The following AMPH variants were observed in gnomAD, a reference collection of about 807,000 sequenced individuals.
The protein encoded by AMPH is amphiphysin (Stiff-Mann syndrome with breast cancer 128kD autoantigen).
A neutral mutation model predicts 99.1 loss-of-function variants in AMPH; 49 were observed. The observed-to-expected ratio is 0.49, with a 90% CI of 0.39 to 0.63. The LOEUF is 0.63. AMPH is among the 20% of genes least tolerant of loss of function. The pLI, the probability that AMPH is intolerant of heterozygous loss-of-function variation, is 0.00. For missense variants in AMPH, 759 were observed against 863.4 expected, an observed-to-expected ratio of 0.88 and a Z score of 1.52; for synonymous variants, 314 against 317.3, an observed-to-expected ratio of 0.99 and a Z score of 0.11.
At chr7:38,592,921 C>A (rs1792913281) in intron 1 of AMPH, among the ~76,000 whole-genome samples, 1 of 152,166 alleles carries the variant, frequency 6.6e-6, no homozygotes, top group South Asian at 2.1e-4. Context: ...ATTCTAGCCC[C>A]AACTGCTGTT....
intron 9 of AMPH, among the ~76,000 whole-genome samples, chr7:38,464,329 T>A (rs1479546995): frequency 2.0e-5 from 3 of 152,178 alleles, no homozygotes; most frequent in Non-Finnish European, 4.4e-5. Context: ...AGCCCCATAC[T>A]GAAATAACCA....
intron 17 of AMPH, among the ~76,000 whole-genome samples, chr7:38,398,045 T>A (rs1381364990): frequency 6.6e-6 from 1 of 150,494 alleles, no homozygotes; most frequent in African/African-American, 2.4e-5. Context: ...AGAAACCTCA[T>A]ATACTGTTGG....
Position 38,432,225 on chromosome 7 carries a change from A to G in AMPH, c.1135-13T>C. On this transcript the variant is annotated splice_polypyrimidine_tract_variant and intron_variant, in intron 12 of 20. Transcript: ENST00000356264. ...CCCAGGGCAATGTCTGAAAGCAAAT[A>G]AACAAAAATACTGTTAGTTATACAA... The G allele has an allele frequency of 1.2e-6, 2 of 1,610,312 alleles. No homozygotes were observed. Among genetic ancestry groups the G allele is most frequent in the Non-Finnish European group, 1.7e-6 (2 of 1,176,620 alleles).
intron 2 of AMPH, among the ~76,000 whole-genome samples, chr7:38,508,943 A>G (rs1789435149): frequency 6.6e-6 from 1 of 152,222 alleles, no homozygotes; most frequent in East Asian, 1.9e-4. Flanking sequence ...ATTTGAATCC[A>G]CTTATGATCA....
intron 10 of AMPH, among the ~76,000 whole-genome samples, chr7:38,462,710 AAG>A (rs930409555): frequency 6.6e-6 from 1 of 152,126 alleles, no homozygotes; most frequent in African/African-American, 2.4e-5. Context: ...GAGATAGGAG[AAG>A]AGAGAGCATG....
At chr7:38,489,782 G>A (rs1405340964) in intron 5 of AMPH, among the ~76,000 whole-genome samples, 1 of 152,062 alleles carries the variant, frequency 6.6e-6, no homozygotes, top group African/African-American at 2.4e-5. Context: ...ATAGAATGAT[G>A]GTTGCCAAGG....
At chr7:38,480,437 G>C (rs887568000) in intron 5 of AMPH, among the ~76,000 whole-genome samples, 2 of 152,056 alleles carry the variant, frequency 1.3e-5, no homozygotes, top group Non-Finnish European at 2.9e-5. Context: ...TCTCAGTCTC[G>C]GTTAGTGCTT....
At chr7:38,404,798 C>A (rs995276360) in intron 17 of AMPH, among the ~76,000 whole-genome samples, 1 of 152,096 alleles carries the variant, frequency 6.6e-6, no homozygotes, top group Non-Finnish European at 1.5e-5. Flanking sequence ...GGGAATGATT[C>A]AGAAAAGTTT....
intron 11 of AMPH, among the ~76,000 whole-genome samples, chr7:38,439,943 C>T (rs755950541): frequency 2.0e-5 from 3 of 152,146 alleles, no homozygotes; most frequent in Non-Finnish European, 4.4e-5. Flanking sequence ...CCATCCCTTA[C>T]GTGGGGTTGA....
intron 1 of AMPH, among the ~76,000 whole-genome samples, chr7:38,553,829 C>G: frequency 6.6e-6 from 1 of 152,298 alleles, no homozygotes; most frequent in East Asian, 1.9e-4. Flanking sequence ...ATCCTCCAAC[C>G]CTGCAGGCTA....
intron 15 of AMPH, 39 bp from the exon 16 acceptor site, chr7:38,422,516 G>T (rs1209202469): frequency 4.6e-6 from 7 of 1,517,640 alleles, no homozygotes; most frequent in East Asian, 2.3e-5. Context: ...GTTTTTTAAA[G>T]ATATTTAAAT....
intron 1 of AMPH, among the ~76,000 whole-genome samples, chr7:38,581,435 G>A (rs956558017): frequency 2.6e-5 from 4 of 152,200 alleles, no homozygotes; most frequent in Admixed American, 2.6e-4. Context: ...AAGGATGTCA[G>A]TGTGGGTAGA....
intron 1 of AMPH, among the ~76,000 whole-genome samples, chr7:38,562,795 A>G (rs573893533): frequency 6.6e-6 from 1 of 152,354 alleles, no homozygotes; most frequent in Non-Finnish European, 1.5e-5. Context: ...GAATAAACAA[A>G]CAAAAATCAG....
chr7:38,412,200 A>C (rs1404949057), intron 17 of AMPH, among the ~76,000 whole-genome samples: 2 of 152,198 alleles, frequency 1.3e-5, no homozygotes, highest in Admixed American at 6.5e-5. Context: ...AGTGCCAGTT[A>C]ATTGTTACTT....
chr7:38,581,624 T>C (rs1792467852), intron 1 of AMPH, among the ~76,000 whole-genome samples: 1 of 152,118 alleles, frequency 6.6e-6, no homozygotes. Context: ...CTGATGGCTG[T>C]GTGAAGAAGA....
At chr7:38,470,582 T>G (rs867332133) in intron 7 of AMPH, among the ~76,000 whole-genome samples, 1 of 152,146 alleles carries the variant, frequency 6.6e-6, no homozygotes, top group Admixed American at 6.6e-5. Flanking sequence ...CCTCTTCTTT[T>G]GCACATTCCA....
At chr7:38,411,006 T>C (rs1343663112) in intron 17 of AMPH, among the ~76,000 whole-genome samples, 1 of 152,238 alleles carries the variant, frequency 6.6e-6, no homozygotes, top group Admixed American at 6.5e-5. Context: ...GACGTGTTGA[T>C]AAATATATTT....
At chr7:38,558,351 C>T (rs1018833979) in intron 1 of AMPH, among the ~76,000 whole-genome samples, 6 of 152,160 alleles carry the variant, frequency 3.9e-5, no homozygotes, top group Non-Finnish European at 8.8e-5. Context: ...GTGGAGTGCA[C>T]CTGGCCAAAA....
chr7:38,539,633 T>C (rs1256382131), intron 1 of AMPH, among the ~76,000 whole-genome samples: 7 of 152,206 alleles, frequency 4.6e-5, no homozygotes, highest in Admixed American at 1.3e-4. Context: ...CCATCTCTCC[T>C]GTGGGGTAAA....
Sources: gnomAD v4.1 joint callset for allele counts (sites outside exome capture counted in the v4.1 genomes callset) on GRCh38, gnomAD v4.1.1 for gene constraint, MANE v1.5 for transcripts, NCBI Gene and HGNC (gene_info 2026-07-23, HGNC 2026-07-21) for gene names.